The following TECR variants were observed in gnomAD, a reference collection of about 807,000 sequenced individuals.
The protein encoded by TECR is trans-2,3-enoyl-CoA reductase, also known as very-long-chain enoyl-CoA reductase.
TECR carries 19 observed loss-of-function variants against 50.6 expected under a neutral mutation model. The observed-to-expected ratio is 0.38, with a 90% CI of 0.26 to 0.55. The LOEUF (loss-of-function observed/expected upper bound fraction) is 0.55. Among genes scored for constraint, TECR ranks in the 20% least tolerant of loss-of-function variants. TECR has a pLI of 0.79. For missense variants in TECR, 313 were observed against 408.3 expected (o/e 0.77, Z 2.01); for synonymous variants, 168 against 163.5 (o/e 1.03, Z -0.21).
At chr19:14,559,441 G>T (rs1047599634) in intron 1 of TECR, among the ~76,000 whole-genome samples, 12 of 151,994 alleles carry the variant, frequency 7.9e-5, no homozygotes, top group Non-Finnish European at 1.3e-4. Flanking sequence ...GTTTCCTAGC[G>T]TAACTTATTT....
chr19:14,564,728 C>T, intron 7 of TECR, 58 bp from the exon 8 acceptor site: 1 of 1,535,596 alleles, frequency 6.5e-7, no homozygotes, highest in Non-Finnish European at 9.0e-7. Context: ...GAGACATGGG[C>T]AGCATCTGCC....
chr19:14,559,979 G>A (rs2073854819), intron 1 of TECR, among the ~76,000 whole-genome samples: 1 of 93,068 alleles, frequency 1.1e-5, no homozygotes, highest in South Asian at 2.8e-4. Context: ...CTAGCCTTGG[G>A]CATTTCTTGT....
In TECR at chr19:14,534,549, C is replaced by T. The variant is rs141762639; in HGVS notation, c.15+4838C>T. ...CTCCCCGGTTCAAGCGATTTTCCTG[C>T]CTCAGCCTCCCAAGTAGCTGTTATT... On this transcript the variant is annotated intron_variant, in intron 1 of 12. Coordinates refer to ENST00000215567, the MANE Select transcript of TECR (RefSeq NM_138501.6). 9.1e-3 allele frequency among the ~76,000 whole-genome samples: 1,349 copies of T among 148,672 alleles called. 18 individuals are homozygous for T. The highest frequency in any genetic ancestry group is 0.032 in the African/African-American group (1,298 of 40,146).
intron 1 of TECR, among the ~76,000 whole-genome samples, chr19:14,560,046 G>A (rs759025104): frequency 6.6e-6 from 1 of 152,118 alleles, no homozygotes; most frequent in Non-Finnish European, 1.5e-5. Context: ...TGCAGGTTTG[G>A]GCGTCTCCTC....
intron 1 of TECR, among the ~76,000 whole-genome samples, chr19:14,546,951 T>C (rs535028528): frequency 6.6e-6 from 1 of 152,280 alleles, no homozygotes; most frequent in African/African-American, 2.4e-5. Context: ...CGCCTTGGCC[T>C]CCCAAAGTGC....
Position 14,563,040 on chromosome 19 carries a change from G to T in TECR, c.67-166G>T. On this transcript the variant is annotated intron_variant, in intron 2 of 12. Transcript: ENST00000215567. The surrounding 1 kb of genome is among the most constrained non-coding windows in gnomAD (Gnocchi z 5.3). Reference sequence around the variant, plus strand: ...CCCCTGCTGTCACTGCACTGGCAGGGCCCTCGGTGGTCCTTCCCTGACTGC... The same window carrying T: ...CCCCTGCTGTCACTGCACTGGCAGGTCCCTCGGTGGTCCTTCCCTGACTGC... The T allele has an allele frequency of 1.3e-6, 1 of 787,922 alleles. No individual in the cohort carries two copies. The highest frequency in any genetic ancestry group is 2.1e-6 in the Non-Finnish European group (1 of 487,318). 48.8% of individuals were successfully genotyped at this position (787,922 alleles called of 1,614,324 possible).
At chr19:14,535,864 G>A (rs1195839806) in intron 1 of TECR, among the ~76,000 whole-genome samples, 1 of 151,554 alleles carries the variant, frequency 6.6e-6, no homozygotes, top group African/African-American at 2.4e-5. Context: ...GAGGGGGTTG[G>A]AGGGGATCTT....
intron 1 of TECR, among the ~76,000 whole-genome samples, chr19:14,543,681 T>G (rs113110209): frequency 0.35 from 51,148 of 144,390 alleles, 9,183 homozygotes; most frequent in Non-Finnish European, 0.42. Context: ...CTCGTGATCC[T>G]CCCGCCTCGG....
At chr19:14,565,574 G>GTGA in intron 11 of TECR, 44 bp from the exon 12 acceptor site, 2 of 1,590,454 alleles carry the variant, frequency 1.3e-6, no homozygotes, top group Non-Finnish European at 1.7e-6. Context: ...CCACATACAC[G>GTGA]GGTTGCGAGG....
intron 1 of TECR, among the ~76,000 whole-genome samples, chr19:14,548,415 C>T (rs1384673011): frequency 6.6e-6 from 1 of 152,126 alleles, no homozygotes; most frequent in Non-Finnish European, 1.5e-5. Flanking sequence ...GCCTCATGTC[C>T]AAATGTCAGC....
At chr19:14,558,533 CCT>C (rs1192968332) in intron 1 of TECR, among the ~76,000 whole-genome samples, 1 of 152,170 alleles carries the variant, frequency 6.6e-6, no homozygotes, top group Non-Finnish European at 1.5e-5. Context: ...GGTGAGAATT[CCT>C]CTCAGGCTAG....
At chr19:14,530,488 T>C (rs1381785504) in intron 1 of TECR, 1 of 152,362 alleles carries the variant, frequency 6.6e-6, no homozygotes, top group East Asian at 1.9e-4. Context: ...ATAAAATTTG[T>C]TATTAAAATT....
upstream of TECR, chr19:14,529,481 C>G (rs2072524745): frequency 1.5e-6 from 1 of 686,488 alleles, no homozygotes; most frequent in Non-Finnish European, 2.7e-6. Flanking sequence ...GGTGCTAGTC[C>G]TAGTCTTGGT....
chr19:14,530,975 C>T (rs1241710421), intron 1 of TECR: 1 of 152,212 alleles, frequency 6.6e-6, no homozygotes, highest in Non-Finnish European at 1.5e-5. Context: ...CACCATTCTA[C>T]TCAGCCACCA....
chr19:14,565,064 A>C lies in TECR; in HGVS notation c.607-2A>C. The C allele has an allele frequency of 6.2e-7, 1 of 1,613,834 alleles. No individual in the cohort carries two copies. Among genetic ancestry groups the C allele is most frequent in the Non-Finnish European group, 8.5e-7 (1 of 1,180,010 alleles). On this transcript the variant is annotated splice_acceptor_variant, in intron 9 of 12. Coordinates refer to ENST00000215567, the MANE Select transcript of TECR (RefSeq NM_138501.6). LOFTEE classifies it high-confidence loss of function. ...CCTAGGCTGATCCTGCTTCTCTGAC[A>C]GATCTGCCAGCTCGGCAACTTCTCC... is the stretch of plus-strand genomic sequence containing the variant.
At chr19:14,548,709 C>G (rs1179584629) in intron 1 of TECR, among the ~76,000 whole-genome samples, 1 of 152,120 alleles carries the variant, frequency 6.6e-6, no homozygotes, top group Non-Finnish European at 1.5e-5. Context: ...TCCCAAGTAG[C>G]TGGGATTACA....
chr19:14,552,192 T>G (rs1485028076), intron 1 of TECR, among the ~76,000 whole-genome samples: 1 of 146,670 alleles, frequency 6.8e-6, no homozygotes, highest in Non-Finnish European at 1.5e-5. Flanking sequence ...TTTTTTGAGA[T>G]AGCGTGTCTT....
intron 1 of TECR, among the ~76,000 whole-genome samples, chr19:14,535,948 A>T (rs1222569616): frequency 1.3e-5 from 2 of 152,002 alleles, no homozygotes; most frequent in Admixed American, 1.3e-4. Flanking sequence ...CTCCTGGTGG[A>T]GTCCCTTCTG....
intron 1 of TECR, chr19:14,545,695 C>T (rs1292053920): frequency 6.1e-6 from 1 of 163,872 alleles, no homozygotes; most frequent in Non-Finnish European, 1.3e-5. Context: ...GTGCAAACTG[C>T]ACAGTTAGCA....
Sources: allele counts gnomAD v4.1 joint callset (sites outside exome capture counted in the v4.1 genomes callset), GRCh38; gene constraint gnomAD v4.1.1; non-coding constraint Gnocchi (gnomAD v3.1); transcripts MANE v1.5; gene names NCBI Gene and HGNC (gene_info 2026-07-23, HGNC 2026-07-21).